AGBL1: variants seen among roughly 807,000 people sequenced by gnomAD.
The protein encoded by AGBL1 is AGBL carboxypeptidase 1, also known as cytosolic carboxypeptidase 4.
Under a neutral mutation model 118.9 loss-of-function variants are expected in AGBL1, and 130 were observed. The ratio of observed to expected loss-of-function variants is 1.09; its 90% CI spans 0.95 to 1.26. AGBL1 has a LOEUF of 1.26. Ranked by LOEUF, AGBL1 falls within the 50% of genes most tolerant of loss-of-function variation. The probability of loss-of-function intolerance (pLI) is 0.00; values close to 1 mark genes in which losing one functional copy is unlikely to be tolerated. For missense variants in AGBL1, 1,584 were observed against 1,298.1 expected, an observed-to-expected ratio of 1.22 and a Z score of -3.38; for synonymous variants, 555 against 478.9, an observed-to-expected ratio of 1.16 and a Z score of -2.08.
At chr15:86,772,698 G>A (rs2078198622) in intron 22 of AGBL1, among the ~76,000 whole-genome samples, 1 of 152,040 alleles carries the variant, frequency 6.6e-6, no homozygotes. Flanking sequence ...ATAAAGGTAG[G>A]AGGAAATCAA....
chr15:86,554,732 C>T (rs920480254), intron 21 of AGBL1, among the ~76,000 whole-genome samples, 195 bp downstream of exon 21: 32 of 152,300 alleles, frequency 2.1e-4, no homozygotes, highest in African/African-American at 6.5e-4. Context: ...GGAAGCAATG[C>T]GTGCATGCTT....
At chr15:86,537,243 C>T (rs575721680) in intron 19 of AGBL1, among the ~76,000 whole-genome samples, 1 of 152,336 alleles carries the variant, frequency 6.6e-6, no homozygotes, top group Admixed American at 6.5e-5. Flanking sequence ...AAAGACTAGT[C>T]TGAATCCCAC....
chr15:86,486,202 A>T (rs1476238914), intron 18 of AGBL1, among the ~76,000 whole-genome samples: 1 of 152,090 alleles, frequency 6.6e-6, no homozygotes, highest in Non-Finnish European at 1.5e-5. Context: ...CACATGACAA[A>T]TTCTCTATAA....
intron 18 of AGBL1, among the ~76,000 whole-genome samples, chr15:86,501,865 C>T (rs1197509609): frequency 2.6e-5 from 4 of 151,504 alleles, no homozygotes; most frequent in Non-Finnish European, 5.9e-5. Context: ...TTTTGAAATT[C>T]GGAAGTGTGA....
At chr15:86,831,115 C>T (rs910626702) in intron 22 of AGBL1, among the ~76,000 whole-genome samples, 2 of 152,152 alleles carry the variant, frequency 1.3e-5, no homozygotes, top group Non-Finnish European at 2.9e-5. Context: ...GACTTATTCA[C>T]TACCATGAGA....
chr15:86,240,792 T>C (rs1809554694), intron 6 of AGBL1, among the ~76,000 whole-genome samples: 1 of 152,200 alleles, frequency 6.6e-6, no homozygotes, highest in Non-Finnish European at 1.5e-5. Flanking sequence ...GGGTAGAATA[T>C]GTCACGGTAC....
chr15:86,856,418 G>A (rs1265156931), intron 22 of AGBL1, among the ~76,000 whole-genome samples: 1 of 152,222 alleles, frequency 6.6e-6, no homozygotes, highest in African/African-American at 2.4e-5. Flanking sequence ...TTTATGGATT[G>A]GAAAGTGGAG....
chr15:86,742,546 A>T (rs78246421), intron 22 of AGBL1, among the ~76,000 whole-genome samples: 1 of 152,198 alleles, frequency 6.6e-6, no homozygotes, highest in African/African-American at 2.4e-5. Context: ...AAAAAGAAGC[A>T]CCTACCCTCA....
chr15:86,092,473 T>A (rs367895240), intron 1 of AGBL1, among the ~76,000 whole-genome samples: 10 of 152,242 alleles, frequency 6.6e-5, no homozygotes, highest in East Asian at 5.8e-4. Flanking sequence ...AAAATGTGGA[T>A]AAAATATAAA....
rs142985515 is a variant in AGBL1 at position 86,641,405 on chromosome 15, A to ATT, written c.2995-32861_2995-32860dup. Among the ~76,000 whole-genome samples the ATT allele has an allele frequency of 1.7e-3, 253 of 151,214 alleles. 1 individual carries two copies. The highest frequency in any genetic ancestry group is 5.5e-3 in the African/African-American group (226 of 41,172). On this transcript the variant is annotated intron_variant, in intron 21 of 22. Coordinates refer to ENST00000614907, the MANE Select transcript of AGBL1 (RefSeq NM_001386094.1). Reference sequence around the variant, plus strand: ...TGAAAGCTCTAGTTTCTACCACTCAATTTTTTTTAAAAAAAAAAGCAGTGC... The same window carrying ATT: ...TGAAAGCTCTAGTTTCTACCACTCAATTTTTTTTTTAAAAAAAAAAGCAGTGC...
At chr15:86,430,149 T>A (rs1388688707) in intron 18 of AGBL1, among the ~76,000 whole-genome samples, 1 of 152,156 alleles carries the variant, frequency 6.6e-6, no homozygotes, top group Non-Finnish European at 1.5e-5. Context: ...TTGTGATATT[T>A]AACATTTTCT....
chr15:86,666,870 G>T (rs2085653627), intron 21 of AGBL1, among the ~76,000 whole-genome samples: 1 of 152,168 alleles, frequency 6.6e-6, no homozygotes. Flanking sequence ...GCAGTTAGAA[G>T]TGGAAGCACT....
At chr15:86,740,181 G>C (rs986161362) in intron 22 of AGBL1, among the ~76,000 whole-genome samples, 2 of 152,170 alleles carry the variant, frequency 1.3e-5, no homozygotes, top group Non-Finnish European at 2.9e-5. Flanking sequence ...GGAAGAGTTG[G>C]ACAGTTTTGT....
chr15:87,024,207 A>AAAAT (rs1306642810), intron 24 of AGBL1, among the ~76,000 whole-genome samples: 3 of 152,104 alleles, frequency 2.0e-5, no homozygotes, highest in African/African-American at 7.2e-5. Flanking sequence ...TGGTTCTTTG[A>AAAAT]AAAGATAAAT....
chr15:86,735,651 G>A (rs2077583001), intron 22 of AGBL1, among the ~76,000 whole-genome samples: 1 of 111,220 alleles, frequency 9.0e-6, no homozygotes, highest in African/African-American at 4.2e-5. Context: ...CTGCTACAAA[G>A]AGAGATATAT....
chr15:86,514,163 T>C (rs913771891), intron 18 of AGBL1, among the ~76,000 whole-genome samples: 213 of 107,194 alleles, frequency 2.0e-3, no homozygotes, highest in Middle Eastern at 5.0e-3. Context: ...CACACACACA[T>C]ACACATCTAT....
At position 86,981,251 on chromosome 15, in the gene AGBL1, T is replaced by G. The variant is rs2081229557; in HGVS notation, c.3222-6736T>G. Among the ~76,000 whole-genome samples the G allele has an allele frequency of 2.0e-5, 3 of 152,346 alleles. No individual in the cohort carries two copies. In the South Asian group the frequency reaches 6.2e-4, roughly 32 times the overall value. On this transcript the variant is annotated intron_variant, in intron 23 of 24. Transcript: ENST00000441037. Reference sequence around the variant, plus strand: ...CAATATTAATTATTTAACCAGAATGTATGAATATTTTAAATTTATTAGTAT... The same window carrying G: ...CAATATTAATTATTTAACCAGAATGGATGAATATTTTAAATTTATTAGTAT...
At chr15:86,351,963 G>A (rs1293232592) in intron 17 of AGBL1, among the ~76,000 whole-genome samples, 2 of 152,178 alleles carry the variant, frequency 1.3e-5, no homozygotes, top group East Asian at 3.9e-4. Flanking sequence ...GCAGGCACAT[G>A]ATTTATAGGA....
intron 21 of AGBL1, among the ~76,000 whole-genome samples, chr15:86,573,103 C>T (rs2084033982): frequency 6.6e-6 from 1 of 152,168 alleles, no homozygotes; most frequent in Admixed American, 6.5e-5. Flanking sequence ...AATTAGTCAA[C>T]ATATATTTAC....
Sources: allele counts gnomAD v4.1 joint callset (sites outside exome capture counted in the v4.1 genomes callset), GRCh38; gene constraint gnomAD v4.1.1; transcripts MANE v1.5; gene names NCBI Gene and HGNC (gene_info 2026-07-23, HGNC 2026-07-21).